ITGB1: variants seen among roughly 807,000 people sequenced by gnomAD.
ITGB1 encodes integrin beta-1.
Under a neutral mutation model 86.5 loss-of-function variants are expected in ITGB1, and 24 were observed. The ratio of observed to expected loss-of-function variants is 0.28; its 90% confidence interval spans 0.20 to 0.39. ITGB1 has a LOEUF of 0.39. ITGB1 is among the 10% of genes least tolerant of loss of function. The pLI, the probability that ITGB1 is intolerant of heterozygous loss-of-function variation, is 1.00. For missense variants in ITGB1, 556 were observed against 946.9 expected (o/e 0.59, Z 5.42); for synonymous variants, 323 against 316.8 (o/e 1.02, Z -0.21).
chr10:32,901,675 T>C, intron 15 of ITGB1, 40 bp from the exon 16 acceptor site: 1 of 1,261,454 alleles, frequency 7.9e-7, no homozygotes, highest in Non-Finnish European at 1.1e-6. Context: ...TCAGTTACCC[T>C]ACTAAAATTA....
chr10:32,916,911 T>A (rs1209025208), intron 11 of ITGB1, among the ~76,000 whole-genome samples: 2 of 152,184 alleles, frequency 1.3e-5, no homozygotes, highest in African/African-American at 4.8e-5. Context: ...AGAACAAAGC[T>A]GGAGGCATCA....
intron 6 of ITGB1, among the ~76,000 whole-genome samples, chr10:32,925,543 G>A (rs1365142757): frequency 6.6e-6 from 1 of 152,184 alleles, no homozygotes; most frequent in Non-Finnish European, 1.5e-5. Context: ...TACAAAGCCA[G>A]AAAGTTAGGA....
chr10:32,949,521 G>A (rs1451014231), intron 1 of ITGB1, among the ~76,000 whole-genome samples: 1 of 152,166 alleles, frequency 6.6e-6, no homozygotes, highest in Non-Finnish European at 1.5e-5. Flanking sequence ...TATTTCATAA[G>A]TACAGACAAA....
At chr10:32,942,548 T>C (rs962604401) in intron 1 of ITGB1, among the ~76,000 whole-genome samples, 1 of 152,206 alleles carries the variant, frequency 6.6e-6, no homozygotes, top group Admixed American at 6.5e-5. Context: ...TAGAAATACT[T>C]GGCACAAAGT....
intron 11 of ITGB1, among the ~76,000 whole-genome samples, chr10:32,913,121 T>A (rs1161263920): frequency 6.6e-6 from 1 of 152,064 alleles, no homozygotes; most frequent in East Asian, 1.9e-4. Flanking sequence ...GAAGGAAAAC[T>A]AACAAACAGA....
chr10:32,953,064 T>C (rs1437633202), intron 1 of ITGB1, among the ~76,000 whole-genome samples: 1 of 152,198 alleles, frequency 6.6e-6, no homozygotes, highest in Non-Finnish European at 1.5e-5. Context: ...CCAGGTACTA[T>C]CTGTGAAATT....
At chr10:32,940,093 C>G (rs1261928482) in intron 1 of ITGB1, among the ~76,000 whole-genome samples, 1 of 152,142 alleles carries the variant, frequency 6.6e-6, no homozygotes, top group Non-Finnish European at 1.5e-5. Context: ...CGCCTGTAAT[C>G]CCAGCGCTTT....
In ITGB1 at chr10:32,935,527, A is replaced by G; in HGVS notation, c.32T>C (p.Leu11Pro). ...AAACACACAGCAAACTGAACTGATC[A>G]GTCCAATCCAGAAAATTGGTTGTAA... MNLQPIFWIG[L>P]ISSVCCVFAQ... The change falls in exon 2 of 16, where the codon CTG becomes CCG. Residue 11 changes from leucine to proline, a missense_variant. This residue lies in a region of ITGB1 where 183 missense variants were observed against 263.9 expected (regional missense o/e 0.69). Coordinates refer to ENST00000302278, the MANE Select transcript of ITGB1 (RefSeq NM_002211.4). 1 of 1,613,546 alleles carries G rather than the reference A, an allele frequency of 6.2e-7. No individual in the cohort carries two copies. The highest frequency in any genetic ancestry group is 8.5e-7 in the Non-Finnish European group (1 of 1,179,506).
At chr10:32,908,324 T>G in intron 15 of ITGB1, 44 bp downstream of exon 15, 1 of 1,571,518 alleles carries the variant, frequency 6.4e-7, no homozygotes, top group East Asian at 2.2e-5. Context: ...AGTATTACAT[T>G]TACTTTATAA....
In ITGB1 at chr10:32,935,509, C is replaced by T. The variant is rs1463403678; in HGVS notation, c.50G>A (p.Cys17Tyr). 1.2e-6 allele frequency: 2 copies of T among 1,613,266 alleles called. No homozygotes were observed. Among genetic ancestry groups the T allele is most frequent in the Admixed American group, 1.7e-5 (1 of 60,000 alleles). ...GTTTTTACCTGTTTGAGCAAACACA[C>T]AGCAAACTGAACTGATCAGTCCAAT... is the stretch of plus-strand genomic sequence containing the variant. ...FWIGLISSVC[C>Y]VFAQTDENRC... is the part of the protein sequence containing the mutation. Residue 17 changes from cysteine (C) to tyrosine (Y), a missense_variant, in exon 2 of 16, where the codon TGT becomes TAT. Transcript: ENST00000302278.
intron 1 of ITGB1, among the ~76,000 whole-genome samples, chr10:32,937,186 T>C (rs890508881): frequency 3.3e-5 from 5 of 152,180 alleles, no homozygotes; most frequent in Non-Finnish European, 7.3e-5. Context: ...AAATATCCTA[T>C]ATCCAATAAC....
chr10:32,935,448 G>A lies in ITGB1; in HGVS notation c.67+44C>T, dbSNP rs769631778. 5.6e-6 allele frequency: 7 copies of A among 1,240,696 alleles called. No individual in the cohort carries two copies. The East Asian group carries it at 1.6e-4, about 29-fold the overall frequency. 76.9% of individuals were successfully genotyped at this position (1,240,696 alleles called of 1,614,324 possible). On this transcript the variant is annotated intron_variant, in intron 2 of 15. Transcript: ENST00000302278. ...CCTAACTGGTCAAAGCGCAATACAA[G>A]ATACGGAAATGAAAAGACAACTAAG...
chr10:32,950,778 T>C (rs1454732481), intron 1 of ITGB1, among the ~76,000 whole-genome samples: 1 of 152,132 alleles, frequency 6.6e-6, no homozygotes, highest in African/African-American at 2.4e-5. Context: ...TAAGAAGCTC[T>C]AACAACAAAG....
chr10:32,952,879 A>T (rs2095045267), intron 1 of ITGB1, among the ~76,000 whole-genome samples: 1 of 152,188 alleles, frequency 6.6e-6, no homozygotes, highest in Admixed American at 6.5e-5. Flanking sequence ...GTGATGCTTA[A>T]TAATATAGTG....
intron 1 of ITGB1, among the ~76,000 whole-genome samples, chr10:32,952,390 T>G (rs1411831584): frequency 6.6e-6 from 1 of 152,192 alleles, no homozygotes; most frequent in African/African-American, 2.4e-5. Flanking sequence ...TGTACTTTTT[T>G]GTAACATTTT....
At chr10:32,911,419 A>G (rs751433312) in intron 13 of ITGB1, 29 bp downstream of exon 13, 9 of 1,583,866 alleles carry the variant, frequency 5.7e-6, no homozygotes, top group African/African-American at 1.3e-5. Flanking sequence ...GGAAGTATCA[A>G]CTATTTCAAG....
In ITGB1 at chr10:32,935,506, A is replaced by G. The variant is rs201074958; in HGVS notation, c.53T>C (p.Val18Ala). The G allele has an allele frequency of 3.1e-6, 5 of 1,613,452 alleles. No individual in the cohort carries two copies. The highest frequency in any genetic ancestry group is 1.7e-5 in the Admixed American group (1 of 60,024). Residue 18 changes from valine (V) to alanine (A), a missense_variant, in exon 2 of 16, where the codon GTG becomes GCG. Physicochemically the swap from Val to Ala is moderately conservative, Grantham distance 64. Around this residue, in one of 4 missense-constraint regions of ITGB1, gnomAD observed 183 missense variants for 263.9 expected, o/e 0.69. Coordinates refer to ENST00000302278, the MANE Select transcript of ITGB1 (RefSeq NM_002211.4). ...WIGLISSVCC[V>A]FAQTDENRCL... The stretch of plus-strand genomic sequence containing the variant: ...TTTGTTTTTACCTGTTTGAGCAAAC[A>G]CACAGCAAACTGAACTGATCAGTCC...
intron 1 of ITGB1, among the ~76,000 whole-genome samples, chr10:32,939,976 T>C (rs1317975801): frequency 6.6e-6 from 1 of 152,202 alleles, no homozygotes; most frequent in Non-Finnish European, 1.5e-5. Flanking sequence ...AAGATCTCCT[T>C]CTTCGGGACC....
At chr10:32,955,154 C>T (rs1229659197) in intron 1 of ITGB1, among the ~76,000 whole-genome samples, 1 of 152,122 alleles carries the variant, frequency 6.6e-6, no homozygotes, top group Non-Finnish European at 1.5e-5. Context: ...GACGAATGTA[C>T]CTTTCTGTAT....
Sources: allele counts gnomAD v4.1 joint callset (sites outside exome capture counted in the v4.1 genomes callset), GRCh38; gene constraint gnomAD v4.1.1; regional missense constraint gnomAD v4.1.1; transcripts MANE v1.5; gene names NCBI Gene and HGNC (gene_info 2026-07-23, HGNC 2026-07-21).